Variants in MSH4 observed in about 807,000 individuals in gnomAD.
MSH4 encodes mutS protein homolog 4.
Under a neutral mutation model 113.7 loss-of-function variants are expected in MSH4, and 106 were observed. The ratio of observed to expected loss-of-function variants is 0.93; its 90% CI spans 0.80 to 1.10. The LOEUF (loss-of-function observed/expected upper bound fraction) is 1.10, where lower values mean the gene tolerates loss of function less well. Ranked by LOEUF, MSH4 falls within the 50% of genes least tolerant of loss-of-function variation. MSH4 has a pLI of 0.00. For missense variants in MSH4, 1,061 were observed against 1,093.7 expected (o/e 0.97, Z 0.42); for synonymous variants, 368 against 380.2 (o/e 0.97, Z 0.37).
At chr1:75,812,826 T>G (rs997275374) in intron 4 of MSH4, among the ~76,000 whole-genome samples, 1 of 152,194 alleles carries the variant, frequency 6.6e-6, no homozygotes, top group Admixed American at 6.5e-5. Context: ...AAATTTTTTT[T>G]GGCAGCCTGA....
chr1:75,871,632 T>C (rs925740908), intron 9 of MSH4, among the ~76,000 whole-genome samples: 9 of 152,204 alleles, frequency 5.9e-5, no homozygotes, highest in Non-Finnish European at 1.3e-4. Context: ...AGACAACTTA[T>C]TAAACAGCTG....
chr1:75,815,867 G>A (rs950434696), intron 5 of MSH4, among the ~76,000 whole-genome samples: 4 of 152,062 alleles, frequency 2.6e-5, no homozygotes, highest in Non-Finnish European at 5.9e-5. Context: ...AATTACCTGG[G>A]TGTGGTGGTG....
At chr1:75,878,402 A>C in intron 11 of MSH4, 84 bp downstream of exon 11, 1 of 1,031,614 alleles carries the variant, frequency 9.7e-7, no homozygotes, top group Non-Finnish European at 1.4e-6. Context: ...GCTGATGACT[A>C]GCCATACATA....
intron 9 of MSH4, among the ~76,000 whole-genome samples, chr1:75,868,757 T>A (rs1324611126): frequency 1.3e-5 from 2 of 152,214 alleles, no homozygotes; most frequent in Non-Finnish European, 2.9e-5. Flanking sequence ...CCCCTGCACA[T>A]GTTCTTCTTG....
Position 75,823,341 on chromosome 1 carries a change from C to A in MSH4, c.1162+760C>A, listed in dbSNP as rs186753076. Among the ~76,000 whole-genome samples the A allele has an allele frequency of 2.1e-3, 318 of 150,884 alleles. 2 individuals are homozygous for A. The highest frequency in any genetic ancestry group is 4.6e-3 in the Admixed American group (69 of 15,164). ...ACCCGGAGTTAAGACTTCACAGTAT[C>A]ATTTGGGGGTCACAATTCAACCCAT... On this transcript the variant is annotated intron_variant, in intron 7 of 19. Coordinates refer to ENST00000263187, the MANE Select transcript of MSH4 (RefSeq NM_002440.4).
intron 7 of MSH4, among the ~76,000 whole-genome samples, chr1:75,830,715 A>C (rs1650664163): frequency 6.6e-6 from 1 of 152,194 alleles, no homozygotes; most frequent in African/African-American, 2.4e-5. Flanking sequence ...AGGAGAAATA[A>C]AATCCTTTAA....
chr1:75,811,552 T>C (rs1295441923), intron 4 of MSH4, among the ~76,000 whole-genome samples: 3 of 152,146 alleles, frequency 2.0e-5, no homozygotes, highest in African/African-American at 7.2e-5. Flanking sequence ...GAATTTAATT[T>C]GTATTACAGA....
intron 7 of MSH4, among the ~76,000 whole-genome samples, chr1:75,834,682 A>G (rs1171746507): frequency 2.6e-5 from 4 of 152,242 alleles, no homozygotes; most frequent in Non-Finnish European, 5.9e-5. Context: ...TCACAAGGAC[A>G]GAAAACCAAA....
intron 6 of MSH4, 116 bp from the exon 7 acceptor site, chr1:75,822,288 CAAAAA>C (rs33965683): frequency 3.7e-4 from 144 of 386,844 alleles, no homozygotes; most frequent in East Asian, 7.6e-4. Flanking sequence ...GACTCTGTTT[CAAAAA>C]AAAAAAAAAA....
At chr1:75,815,180 C>G (rs1416682319) in intron 5 of MSH4, 44 bp downstream of exon 5, 3 of 998,366 alleles carry the variant, frequency 3.0e-6, no homozygotes, top group Middle Eastern at 2.9e-4. Flanking sequence ...CCACAGCTAC[C>G]AATATCATAT....
rs748995515 is a variant in MSH4 at position 75,899,726 on chromosome 1, T to C, written c.2619+20T>C. On this transcript the variant is annotated intron_variant, in intron 19 of 19. Transcript: ENST00000263187. Reference sequence around the variant, plus strand: ...ATTTTGGTAAGAAACTTTGTTCTTATTTGTTCTTCAAATTAAAAAAAATAC... The same window carrying C: ...ATTTTGGTAAGAAACTTTGTTCTTACTTGTTCTTCAAATTAAAAAAAATAC... 1.6e-5 allele frequency: 22 copies of C among 1,398,220 alleles called. No individual in the cohort carries two copies. The African/African-American group carries it at 3.2e-4, about 20-fold the overall frequency. The allele number at this position is 1,398,220 out of a possible 1,614,324, so 86.6% of individuals were successfully genotyped here.
In MSH4 at chr1:75,842,603, A is replaced by G. The variant is rs553173635; in HGVS notation, c.1163-5606A>G. On this transcript the variant is annotated intron_variant, in intron 7 of 19. Coordinates refer to ENST00000263187, the MANE Select transcript of MSH4 (RefSeq NM_002440.4). Reference sequence around the variant, plus strand: ...CATACCCTAGGAAAAACCAGGCCATACAGAGATAGGAGCTGAGGAGACACA... The same window carrying G: ...CATACCCTAGGAAAAACCAGGCCATGCAGAGATAGGAGCTGAGGAGACACA... 9.2e-5 allele frequency among the ~76,000 whole-genome samples: 14 copies of G among 152,290 alleles called. No individual in the cohort carries two copies. In the South Asian group the frequency reaches 2.9e-3, roughly 32 times the overall value.
chr1:75,826,407 A>C lies in MSH4; in HGVS notation c.1162+3826A>C, dbSNP rs543875029. ...TCTATTTTGTTAATCTTTTCAAAAA[A>C]CCAGCTCCCCGGTTCATGGAGTTTT... On this transcript the variant is annotated intron_variant, in intron 7 of 19. Transcript: ENST00000263187. 5.9e-5 allele frequency among the ~76,000 whole-genome samples: 9 copies of C among 152,272 alleles called. No homozygotes were observed. In the East Asian group the frequency reaches 1.4e-3, roughly 23 times the overall value.
Position 75,810,924 on chromosome 1 carries a change from T to C in MSH4, c.699+117T>C, listed in dbSNP as rs1028267232. ...TTTCACTCTGTCACCCAGGCTGGAG[T>C]GAAAGGGCGTGATCTCGGCTTACTG... On this transcript the variant is annotated intron_variant, in intron 4 of 19. Transcript: ENST00000263187. The C allele has an allele frequency of 1.1e-5, 5 of 466,520 alleles. No individual in the cohort carries two copies. In the East Asian group the frequency reaches 1.3e-4, roughly 12 times the overall value. 28.9% of individuals were successfully genotyped at this position (466,520 alleles called of 1,614,324 possible).
intron 5 of MSH4, 138 bp from the exon 6 acceptor site, chr1:75,816,235 A>G (rs1232434032): frequency 6.4e-6 from 3 of 469,564 alleles, no homozygotes; most frequent in Non-Finnish European, 1.1e-5. Context: ...CTAGTTTTCA[A>G]AAATATGAAA....
At chr1:75,859,417 C>A (rs921465924) in intron 8 of MSH4, among the ~76,000 whole-genome samples, 1 of 152,208 alleles carries the variant, frequency 6.6e-6, no homozygotes, top group African/African-American at 2.4e-5. Flanking sequence ...AAATTTCCCT[C>A]TACACACTGC....
rs12094300 is a variant in MSH4, at chr1:75,866,769, T to A, written c.1231-745T>A. 3.4e-3 allele frequency among the ~76,000 whole-genome samples: 512 copies of A among 151,780 alleles called. 1 individual carries two copies. The highest frequency in any genetic ancestry group is 0.027 in the Middle Eastern group (8 of 294). ...GCCGAGATGGCTGGATCATCTGAGGTCAGGAGTTCGAGACCAGCCTAGCCA... is the reference window on the plus strand; with the variant it reads ...GCCGAGATGGCTGGATCATCTGAGGACAGGAGTTCGAGACCAGCCTAGCCA... On this transcript the variant is annotated intron_variant, in intron 8 of 19. Transcript: ENST00000263187.
In MSH4 at chr1:75,889,310, A is replaced by G; in HGVS notation, c.2167A>G (p.Ile723Val). Residue 723 changes from isoleucine to valine, a missense_variant, in exon 16 of 20, where the codon ATT (isoleucine) becomes GTT (valine). Ile to Val is a conservative substitution (Grantham distance 29). Transcript: ENST00000263187. ...AATTGCTAAACAGATTTTTACAAGA[A>G]TTAGTACTGATGATGATATCGAAAC... Reference protein sequence around the residue: ...FRIAKQIFTRISTDDDIETNS... With the variant: ...FRIAKQIFTRVSTDDDIETNS... The G allele has an allele frequency of 6.5e-7, 1 of 1,544,154 alleles. No individual in the cohort carries two copies. The highest frequency in any genetic ancestry group is 8.8e-7 in the Non-Finnish European group (1 of 1,130,572).
chr1:75,896,394 C>CACACACCT (rs571761055), intron 17 of MSH4, among the ~76,000 whole-genome samples: 1 of 147,178 alleles, frequency 6.8e-6, no homozygotes, highest in Non-Finnish European at 1.5e-5. Context: ...CACACACACA[C>CACACACCT]CCTATTGGTC....
Sources: allele counts gnomAD v4.1 joint callset (sites outside exome capture counted in the v4.1 genomes callset), GRCh38; gene constraint gnomAD v4.1.1; transcripts MANE v1.5; gene names NCBI Gene and HGNC (gene_info 2026-07-23, HGNC 2026-07-21).